ZNF722: variants seen among roughly 807,000 people sequenced by gnomAD.
ZNF722 encodes the protein zinc finger protein 479 pseudogene.
At chr7:64,006,373 A>G in the ZNF722 span, 8 of 1,127,968 alleles carry the variant, frequency 7.1e-6, no homozygotes, top group Non-Finnish European at 2.5e-6. Context: ...ACAAATCAAC[A>G]AGGCAGCCAG....
the ZNF722 span, among the ~76,000 whole-genome samples, chr7:64,010,389 A>G: frequency 1.9e-4 from 29 of 152,208 alleles, 1 homozygote; most frequent in East Asian, 5.2e-3. Flanking sequence ...TAGTAGTATA[A>G]ATTTCCCTCT....
chr7:64,010,694 G>A, the ZNF722 span, among the ~76,000 whole-genome samples: 3 of 152,202 alleles, frequency 2.0e-5, no homozygotes, highest in African/African-American at 4.8e-5. Context: ...TAAGTGTGAT[G>A]TGGTACTGAG....
chr7:64,014,041 C>A, the ZNF722 span, among the ~76,000 whole-genome samples: 1 of 152,036 alleles, frequency 6.6e-6, no homozygotes, highest in African/African-American at 2.4e-5. Context: ...TCACTTTTAT[C>A]TTGCAGCTCC....
the ZNF722 span, among the ~76,000 whole-genome samples, chr7:64,008,434 A>G: frequency 6.6e-6 from 1 of 152,226 alleles, no homozygotes; most frequent in South Asian, 2.1e-4. Context: ...GGTATAAGGA[A>G]GGAATCCAGT....
the ZNF722 span, among the ~76,000 whole-genome samples, chr7:64,004,426 ATATATATATAT>A: frequency 7.3e-4 from 35 of 47,642 alleles, no homozygotes; most frequent in East Asian, 7.0e-3. Context: ...AAAAAAAAAA[ATATATATATAT>A]ATATATATAT....
At chr7:64,009,288 A>G in the ZNF722 span, among the ~76,000 whole-genome samples, 1 of 152,184 alleles carries the variant, frequency 6.6e-6, no homozygotes, top group African/African-American at 2.4e-5. Flanking sequence ...TATGTTGAAT[A>G]GGAGTGGTGA....
the ZNF722 span, among the ~76,000 whole-genome samples, chr7:64,006,966 T>G: frequency 6.6e-6 from 1 of 151,986 alleles, no homozygotes; most frequent in South Asian, 2.1e-4. Context: ...GTTGCTGTAT[T>G]ACATGATAAT....
At chr7:64,002,674 TTATGTG>T in the ZNF722 span, among the ~76,000 whole-genome samples, 8 of 152,232 alleles carry the variant, frequency 5.3e-5, no homozygotes, top group African/African-American at 1.7e-4. Context: ...TTAAATCACA[TTATGTG>T]TTATTCCCAG....
the ZNF722 span, chr7:64,015,878 T>G: frequency 1.9e-6 from 3 of 1,570,402 alleles, no homozygotes; most frequent in Non-Finnish European, 2.6e-6. Context: ...TTGCTAAACA[T>G]AAGATAATTC....
chr7:64,000,130 T>G, the ZNF722 span, among the ~76,000 whole-genome samples: 20,898 of 140,518 alleles, frequency 0.15, 1,650 homozygotes, highest in East Asian at 0.29. Context: ...TTTTTTTTTT[T>G]TTTGTGTGTG....
At chr7:64,016,882 G>A in the ZNF722 span, among the ~76,000 whole-genome samples, 1 of 152,108 alleles carries the variant, frequency 6.6e-6, no homozygotes, top group African/African-American at 2.4e-5. Context: ...CCTTTAAATG[G>A]TAGTCACACG....
chr7:64,004,425 AATATATAT>A, the ZNF722 span, among the ~76,000 whole-genome samples: 19 of 61,100 alleles, frequency 3.1e-4, 1 homozygote, highest in Admixed American at 1.2e-3. Context: ...AAAAAAAAAA[AATATATAT>A]ATATATATAT....
chr7:64,000,455 T>TTTTTTTTTTTTTTTG, the ZNF722 span, among the ~76,000 whole-genome samples: 1 of 115,266 alleles, frequency 8.7e-6, no homozygotes, highest in African/African-American at 3.4e-5. Flanking sequence ...TTTTTTTTTT[T>TTTTTTTTTTTTTTTG]TTTTTTTTTT....
the ZNF722 span, among the ~76,000 whole-genome samples, chr7:64,006,837 T>G: frequency 6.3e-4 from 9 of 14,186 alleles, no homozygotes; most frequent in South Asian, 8.0e-3. Flanking sequence ...ATGTATGTAT[T>G]TATTTATTTA....
At chr7:64,017,180 TCAAGAC>T in the ZNF722 span, among the ~76,000 whole-genome samples, 2 of 152,140 alleles carry the variant, frequency 1.3e-5, no homozygotes, top group East Asian at 3.9e-4. Flanking sequence ...GATCAGGAGT[TCAAGAC>T]CAGCCTGGCC....
At chr7:64,015,059 T>C in the ZNF722 span, 12 of 1,361,868 alleles carry the variant, frequency 8.8e-6, no homozygotes, top group Non-Finnish European at 1.3e-5. Flanking sequence ...AAGACCTTCA[T>C]CCAGAGCAGG....
At chr7:64,000,124 T>C in the ZNF722 span, among the ~76,000 whole-genome samples, 1 of 93,066 alleles carries the variant, frequency 1.1e-5, no homozygotes, top group East Asian at 2.5e-4. Context: ...CCTTACTTTT[T>C]TTTTTTTTTG....
At chr7:64,002,194 A>G in the ZNF722 span, among the ~76,000 whole-genome samples, 1 of 151,972 alleles carries the variant, frequency 6.6e-6, no homozygotes, top group Non-Finnish European at 1.5e-5. Context: ...TGTACTATTT[A>G]TGTCTCGACG....
chr7:64,007,251 T>C, the ZNF722 span, among the ~76,000 whole-genome samples: 361 of 148,702 alleles, frequency 2.4e-3, 6 homozygotes, highest in Admixed American at 0.023. Context: ...TATATATATA[T>C]ATATTTATAC....
Sources: gnomAD v4.1 joint callset for allele counts (sites outside exome capture counted in the v4.1 genomes callset) on GRCh38, gnomAD v4.1.1 for gene constraint, MANE v1.5 for transcripts, NCBI Gene and HGNC (gene_info 2026-07-23, HGNC 2026-07-21) for gene names.